The following COQ5 variants were observed in gnomAD, a reference collection of about 807,000 sequenced individuals.
COQ5 encodes 2-methoxy-6-polyprenyl-1,4-benzoquinol methylase, mitochondrial.
In COQ5, 27 loss-of-function variants were observed where a neutral mutation model predicts 40.5. The ratio of observed to expected loss-of-function variants is 0.67; its 90% CI spans 0.49 to 0.92. The LOEUF (loss-of-function observed/expected upper bound fraction) is 0.92. Ranked by LOEUF, COQ5 falls within the 40% of genes least tolerant of loss-of-function variation. COQ5 has a pLI of 0.00. For missense variants in COQ5, 409 were observed against 406.4 expected (o/e 1.01, Z -0.06); for synonymous variants, 141 against 150.0 (o/e 0.94, Z 0.44).
At chr12:120,524,805 G>T (rs1249953853) in intron 1 of COQ5, among the ~76,000 whole-genome samples, 1 of 151,462 alleles carries the variant, frequency 6.6e-6, no homozygotes, top group Admixed American at 6.6e-5. Flanking sequence ...TTCCAAGTGC[G>T]CTCTTTCCTT....
chr12:120,508,734 A>C, intron 4 of COQ5, among the ~76,000 whole-genome samples: 1 of 152,126 alleles, frequency 6.6e-6, no homozygotes, highest in Non-Finnish European at 1.5e-5. Flanking sequence ...ACCTATTAAA[A>C]AATTTTTTTC....
chr12:120,509,941 T>C, intron 4 of COQ5, 76 bp downstream of exon 4: 1 of 1,197,472 alleles, frequency 8.4e-7, no homozygotes, highest in African/African-American at 1.5e-5. Flanking sequence ...CTCTCCTTCT[T>C]TCCTCACTCA....
intron 3 of COQ5, 94 bp downstream of exon 3, chr12:120,516,473 G>T: frequency 8.9e-7 from 1 of 1,119,760 alleles, no homozygotes; most frequent in Non-Finnish European, 1.4e-6. Flanking sequence ...GTTTCTGAAA[G>T]CCAAAAGATA....
At chr12:120,523,643 C>T (rs753262097) in intron 1 of COQ5, among the ~76,000 whole-genome samples, 16 of 152,086 alleles carry the variant, frequency 1.1e-4, no homozygotes, top group Non-Finnish European at 2.1e-4. Flanking sequence ...ATAGATGTTT[C>T]TGTTTCTTAA....
At chr12:120,527,620 T>C (rs1870009921) in intron 1 of COQ5, among the ~76,000 whole-genome samples, 3 of 152,104 alleles carry the variant, frequency 2.0e-5, no homozygotes, top group Admixed American at 2.0e-4. Flanking sequence ...TTTAGTTCAG[T>C]AGTTAACTTC....
At chr12:120,521,401 G>A (rs11610160) in intron 2 of COQ5, among the ~76,000 whole-genome samples, 21,966 of 151,990 alleles carry the variant, frequency 0.14, 2,086 homozygotes, top group Non-Finnish European at 0.21. Flanking sequence ...CAGGCAGCTG[G>A]GCACAGTGGC....
intron 3 of COQ5, among the ~76,000 whole-genome samples, chr12:120,511,213 C>T (rs1324536827): frequency 2.0e-5 from 3 of 149,026 alleles, no homozygotes; most frequent in Non-Finnish European, 4.4e-5. Context: ...GCTGAGATCG[C>T]GCCACTGCAC....
chr12:120,505,166 G>A (rs936799970), intron 4 of COQ5, among the ~76,000 whole-genome samples, 183 bp from the exon 5 acceptor site: 2 of 152,132 alleles, frequency 1.3e-5, no homozygotes, highest in African/African-American at 4.8e-5. Context: ...AATGCTATAG[G>A]CATTCTGCTG....
intron 3 of COQ5, among the ~76,000 whole-genome samples, chr12:120,513,598 C>T (rs533357400): frequency 4.3e-4 from 63 of 146,758 alleles, no homozygotes; most frequent in Middle Eastern, 7.8e-3. Flanking sequence ...TGTAGTGGTG[C>T]GACGTCCACC....
chr12:120,504,745 T>A (rs1868804256), intron 5 of COQ5, 150 bp downstream of exon 5: 1 of 717,388 alleles, frequency 1.4e-6, no homozygotes, highest in Non-Finnish European at 2.5e-6. Flanking sequence ...GAGACTCTTG[T>A]GGCCTAGGTA....
At chr12:120,524,153 G>T (rs972609635) in intron 1 of COQ5, among the ~76,000 whole-genome samples, 1 of 152,114 alleles carries the variant, frequency 6.6e-6, no homozygotes, top group Non-Finnish European at 1.5e-5. Flanking sequence ...AATTTAGAGG[G>T]CTCTCATGAG....
chr12:120,511,117 C>T (rs749696075), intron 3 of COQ5, among the ~76,000 whole-genome samples: 12 of 151,852 alleles, frequency 7.9e-5, no homozygotes, highest in Non-Finnish European at 1.6e-4. Context: ...ATTAGCCGGG[C>T]GTGGTGGCAT....
At chr12:120,509,736 A>C (rs1026925784) in intron 4 of COQ5, 1 of 394,244 alleles carries the variant, frequency 2.5e-6, no homozygotes, top group Non-Finnish European at 4.8e-6. Flanking sequence ...AAGCCCTTAA[A>C]CATTATCTTT....
chr12:120,512,990 G>A (rs1300743071), intron 3 of COQ5, among the ~76,000 whole-genome samples: 1 of 150,756 alleles, frequency 6.6e-6, no homozygotes, highest in Non-Finnish European at 1.5e-5. Context: ...AGTAGAGACA[G>A]GGTTTCGCCA....
chr12:120,522,190 G>T, intron 2 of COQ5, 24 bp downstream of exon 2: 9 of 1,613,840 alleles, frequency 5.6e-6, no homozygotes, highest in African/African-American at 1.3e-5. Context: ...CAATGGTAGT[G>T]AAGGATACCA....
At chr12:120,524,609 C>T (rs12099505) in intron 1 of COQ5, among the ~76,000 whole-genome samples, 3,706 of 152,190 alleles carry the variant, frequency 0.024, 156 homozygotes, top group African/African-American at 0.084. Context: ...GCCCGTAAGA[C>T]GGCTATATCA....
At chr12:120,523,024 G>A (rs897148071) in intron 1 of COQ5, 1 of 507,312 alleles carries the variant, frequency 2.0e-6, no homozygotes, top group Non-Finnish European at 3.5e-6. Flanking sequence ...ACTCCCTTAA[G>A]AGATTCTTAT....
chr12:120,518,859 G>A (rs905417914), intron 2 of COQ5, among the ~76,000 whole-genome samples: 9 of 152,186 alleles, frequency 5.9e-5, no homozygotes, highest in African/African-American at 2.2e-4. Flanking sequence ...AACGTGCTCG[G>A]CCATATATTT....
At chr12:120,522,714 C>A (rs1593024156) in intron 1 of COQ5, 1 of 654,388 alleles carries the variant, frequency 1.5e-6, no homozygotes, top group Non-Finnish European at 2.7e-6. Flanking sequence ...TAAGCTGGAG[C>A]TGCAGCCTGG....
Sources: gnomAD v4.1 joint callset for allele counts (sites outside exome capture counted in the v4.1 genomes callset) on GRCh38, gnomAD v4.1.1 for gene constraint, MANE v1.5 for transcripts, NCBI Gene and HGNC (gene_info 2026-07-23, HGNC 2026-07-21) for gene names.